CDH12: variants seen among roughly 807,000 people sequenced by gnomAD.
The protein encoded by CDH12 is cadherin 12, also known as cadherin-12.
CDH12 carries 41 observed loss-of-function variants against 74.1 expected under a neutral mutation model. That is an observed-to-expected ratio of 0.55 (90% CI 0.43 to 0.72). The LOEUF is 0.72. CDH12 is among the 30% of genes least tolerant of loss of function. The probability of loss-of-function intolerance (pLI) is 0.00; values close to 1 mark genes in which losing one functional copy is unlikely to be tolerated. For missense variants in CDH12, 945 were observed against 977.2 expected (o/e 0.97, Z 0.44); for synonymous variants, 399 against 355.0 (o/e 1.12, Z -1.39).
At chr5:21,853,788 T>C (rs1056028769) in intron 7 of CDH12, among the ~76,000 whole-genome samples, 1 of 151,690 alleles carries the variant, frequency 6.6e-6, no homozygotes, top group African/African-American at 2.4e-5. Context: ...ATTTAAAAGG[T>C]AACTTATTAG....
rs369287682 is a variant in CDH12 at position 21,751,630 on chromosome 5, GTT to G, written c.*105_*106del. ...CCAGAGTGTGTGTGTGTGTGTGTGTGTTTGTGTGTGTGTGTGTGTGTGAGAGA... is the reference window on the plus strand; with the variant it reads ...CCAGAGTGTGTGTGTGTGTGTGTGTGTGTGTGTGTGTGTGTGTGTGAGAGA... On this transcript the variant is annotated 3_prime_UTR_variant, in exon 15 of 15. Transcript: ENST00000382254. 2,552 of 689,322 alleles carry G rather than the reference GTT, an allele frequency of 3.7e-3. 12 individuals carry two copies. The highest frequency in any genetic ancestry group is 0.027 in the Admixed American group (939 of 34,408). The allele number at this position is 689,322 out of a possible 1,614,324, so 42.7% of individuals were successfully genotyped here.
At chr5:22,325,768 C>T (rs568260868) in intron 3 of CDH12, among the ~76,000 whole-genome samples, 171 of 152,102 alleles carry the variant, frequency 1.1e-3, no homozygotes, top group Middle Eastern at 6.8e-3. Context: ...ATTAGCCGGG[C>T]GTGGTAGCGG....
intron 10 of CDH12, among the ~76,000 whole-genome samples, chr5:21,785,514 T>C (rs1467608872): frequency 1.3e-5 from 2 of 152,096 alleles, no homozygotes; most frequent in Non-Finnish European, 2.9e-5. Flanking sequence ...TTGAAGGAAA[T>C]TGAAAGTGCT....
intron 3 of CDH12, among the ~76,000 whole-genome samples, chr5:22,260,227 T>C (rs1424401842): frequency 1.3e-5 from 2 of 152,116 alleles, no homozygotes; most frequent in East Asian, 1.9e-4. Context: ...TAAATTCTTG[T>C]GTGTGTGTTT....
intron 6 of CDH12, among the ~76,000 whole-genome samples, chr5:21,899,674 G>A (rs765269520): frequency 6.7e-6 from 1 of 150,112 alleles, no homozygotes; most frequent in African/African-American, 2.4e-5. Context: ...ATAAAGAAAT[G>A]TATAGAGGAT....
intron 8 of CDH12, among the ~76,000 whole-genome samples, chr5:21,839,168 T>C (rs901555082): frequency 6.6e-6 from 1 of 152,184 alleles, no homozygotes; most frequent in Non-Finnish European, 1.5e-5. Flanking sequence ...GTGTTTTTAG[T>C]GTCGAGATCA....
At position 22,656,899 on chromosome 5, in the gene CDH12, C is replaced by T. The variant is rs189008771; in HGVS notation, c.-522-151535G>A. The stretch of plus-strand genomic sequence containing the variant: ...GTTGCTCAGGCTGGAGTGTGTGACA[C>T]GAACACAGCTCAGTGCAGCCTTGAC... On this transcript the variant is annotated intron_variant, in intron 1 of 14. Coordinates refer to ENST00000382254, the MANE Select transcript of CDH12 (RefSeq NM_004061.5). Among the ~76,000 whole-genome samples, 95 of 152,076 alleles carry T rather than the reference C, an allele frequency of 6.2e-4. No individual in the cohort carries two copies. In the East Asian group the frequency reaches 8.7e-3, roughly 14 times the overall value.
chr5:22,478,581 A>C (rs1272276850), intron 2 of CDH12, among the ~76,000 whole-genome samples: 1 of 152,060 alleles, frequency 6.6e-6, no homozygotes, highest in Non-Finnish European at 1.5e-5. Context: ...TACCTCTGTC[A>C]ACAAAGATAC....
chr5:22,565,412 G>C (rs918832), intron 1 of CDH12, among the ~76,000 whole-genome samples: 1 of 151,898 alleles, frequency 6.6e-6, no homozygotes, highest in Non-Finnish European at 1.5e-5. Flanking sequence ...TTTCAACAAG[G>C]TGTGTTCAAA....
intron 2 of CDH12, among the ~76,000 whole-genome samples, chr5:22,492,816 C>G (rs1746940340): frequency 6.6e-6 from 1 of 152,048 alleles, no homozygotes; most frequent in Non-Finnish European, 1.5e-5. Context: ...GTTTTTTCTC[C>G]CTTGCTCTCC....
intron 6 of CDH12, among the ~76,000 whole-genome samples, chr5:21,972,741 T>C (rs1259406152): frequency 2.0e-5 from 3 of 152,138 alleles, no homozygotes. Flanking sequence ...ACAAAAGTAA[T>C]GCATAGAGGT....
At chr5:22,383,487 T>C (rs1741856054) in intron 3 of CDH12, among the ~76,000 whole-genome samples, 1 of 152,170 alleles carries the variant, frequency 6.6e-6, no homozygotes, top group African/African-American at 2.4e-5. Flanking sequence ...GCAAAGGCAT[T>C]GGCAAGACAG....
intron 1 of CDH12, among the ~76,000 whole-genome samples, chr5:22,850,949 T>C (rs966488750): frequency 5.3e-5 from 8 of 152,088 alleles, no homozygotes; most frequent in East Asian, 1.9e-4. Flanking sequence ...TGATAAAGGA[T>C]TGATTTCAAC....
intron 7 of CDH12, among the ~76,000 whole-genome samples, chr5:21,843,678 C>A (rs1749999990): frequency 6.6e-6 from 1 of 152,040 alleles, no homozygotes; most frequent in Non-Finnish European, 1.5e-5. Context: ...CCATGCCTGG[C>A]TTATTTTGTA....
chr5:22,462,936 G>A (rs1745578824), intron 2 of CDH12, among the ~76,000 whole-genome samples: 1 of 152,042 alleles, frequency 6.6e-6, no homozygotes, highest in Non-Finnish European at 1.5e-5. Flanking sequence ...TGAAAAATTT[G>A]TTTCATTAAA....
chr5:22,734,728 T>C (rs925145153), intron 1 of CDH12, among the ~76,000 whole-genome samples: 2 of 151,896 alleles, frequency 1.3e-5, no homozygotes, highest in East Asian at 1.9e-4. Context: ...AAGACACCCA[T>C]GCACCGGTCT....
chr5:21,847,663 T>G (rs1750246653), intron 7 of CDH12, among the ~76,000 whole-genome samples: 1 of 152,048 alleles, frequency 6.6e-6, no homozygotes, highest in Admixed American at 6.6e-5. Flanking sequence ...AATAATCACC[T>G]CATCTCCACT....
intron 2 of CDH12, among the ~76,000 whole-genome samples, chr5:22,415,374 C>T (rs1261345007): frequency 5.3e-5 from 8 of 152,150 alleles, no homozygotes; most frequent in African/African-American, 1.7e-4. Context: ...ACACATTCTT[C>T]CCCCTTTTGT....
At chr5:22,477,873 C>T (rs1174424614) in intron 2 of CDH12, among the ~76,000 whole-genome samples, 10 of 152,158 alleles carry the variant, frequency 6.6e-5, no homozygotes, top group Admixed American at 6.5e-4. Context: ...ATGTCACATC[C>T]ACAAACCTAC....
Sources: gnomAD v4.1 joint callset for allele counts (sites outside exome capture counted in the v4.1 genomes callset) on GRCh38, gnomAD v4.1.1 for gene constraint, MANE v1.5 for transcripts, NCBI Gene and HGNC (gene_info 2026-07-23, HGNC 2026-07-21) for gene names.